The following ZBTB16 variants were observed in gnomAD, a reference collection of about 807,000 sequenced individuals.
ZBTB16 encodes the protein zinc finger and BTB domain-containing protein 16.
ZBTB16 carries 8 observed loss-of-function variants against 56.8 expected under a neutral mutation model. The observed-to-expected ratio is 0.14, with a 90% CI of 0.08 to 0.25. The LOEUF is 0.25. Among genes scored for constraint, ZBTB16 ranks in the 10% least tolerant of loss-of-function variants. The pLI is 1.00. For missense variants in ZBTB16, 625 were observed against 903.0 expected, an observed-to-expected ratio of 0.69 and a Z score of 3.95; for synonymous variants, 363 against 368.5, an observed-to-expected ratio of 0.98 and a Z score of 0.17.
At chr11:114,088,403 G>C (rs1233447435) in intron 2 of ZBTB16, among the ~76,000 whole-genome samples, 1 of 152,068 alleles carries the variant, frequency 6.6e-6, no homozygotes, top group African/African-American at 2.4e-5. Flanking sequence ...TAGCCTCCCA[G>C]AGTGCTAGGA....
chr11:114,123,043 C>T (rs865875200), intron 2 of ZBTB16, among the ~76,000 whole-genome samples: 18 of 152,258 alleles, frequency 1.2e-4, no homozygotes, highest in Middle Eastern at 6.8e-3. Context: ...GCCTCCTTCT[C>T]GCCGAGTCCT....
intron 2 of ZBTB16, among the ~76,000 whole-genome samples, chr11:114,103,407 T>C (rs1207187973): frequency 6.6e-6 from 1 of 152,226 alleles, no homozygotes; most frequent in Non-Finnish European, 1.5e-5. Flanking sequence ...ACTTTTTCTT[T>C]TCCTTTTTTT....
intron 3 of ZBTB16, among the ~76,000 whole-genome samples, chr11:114,175,510 G>A (rs1425490865): frequency 2.0e-5 from 3 of 151,688 alleles, no homozygotes; most frequent in East Asian, 3.9e-4. Flanking sequence ...AGGCTGGAGT[G>A]CAGTGGCGTG....
intron 4 of ZBTB16, among the ~76,000 whole-genome samples, chr11:114,215,618 G>A (rs1405671846): frequency 3.3e-5 from 5 of 152,186 alleles, no homozygotes; most frequent in Admixed American, 1.3e-4. Flanking sequence ...CGCAGCAGCC[G>A]CATTAGGTTA....
rs1270573325 is a variant in ZBTB16, at chr11:114,255,079, A to G, written c.*4524A>G. 1.3e-5 allele frequency among the ~76,000 whole-genome samples: 2 copies of G among 152,192 alleles called. No individual in the cohort carries two copies. Among genetic ancestry groups the G allele is most frequent in the Non-Finnish European group, 2.9e-5 (2 of 68,038 alleles). On this transcript the variant is annotated 3_prime_UTR_variant, in exon 7 of 7. Transcript: ENST00000335953. ...GGTTAAGAAGCCGTGGTGGTGCACC[A>G]TGACATCCAACCCGTATATATAAAG...
intron 3 of ZBTB16, among the ~76,000 whole-genome samples, chr11:114,181,778 C>T (rs1943255504): frequency 6.6e-6 from 1 of 152,136 alleles, no homozygotes; most frequent in Admixed American, 6.5e-5. Context: ...GGGTCTAGCG[C>T]ACTTTATCTT....
chr11:114,224,341 T>C (rs1193426743), intron 4 of ZBTB16, among the ~76,000 whole-genome samples: 1 of 152,198 alleles, frequency 6.6e-6, no homozygotes, highest in Non-Finnish European at 1.5e-5. Context: ...AATGCCCACT[T>C]TTCTTGCTTG....
intron 4 of ZBTB16, among the ~76,000 whole-genome samples, chr11:114,221,982 G>A (rs1944239639): frequency 6.6e-6 from 1 of 152,166 alleles, no homozygotes; most frequent in Admixed American, 6.5e-5. Context: ...GAGTGTCCAT[G>A]ATCATGCAGT....
chr11:114,065,192 G>A (rs956988239), intron 2 of ZBTB16, among the ~76,000 whole-genome samples: 8 of 152,204 alleles, frequency 5.3e-5, no homozygotes, highest in Non-Finnish European at 1.2e-4. Flanking sequence ...GGGAAAGGAT[G>A]GGTATAAGAG....
intron 4 of ZBTB16, among the ~76,000 whole-genome samples, chr11:114,229,625 T>G (rs1362959581): frequency 1.3e-5 from 2 of 152,236 alleles, no homozygotes. Context: ...CTACGTTCTC[T>G]GCTCCTTTAT....
Position 114,247,186 on chromosome 11 carries a change from T to G in ZBTB16, c.1625-12T>G. ...AGAGGCAAAGGCCTGATCCAGCCCC[T>G]TGTCTCCACAGGCGACCACCCCTAC... is the stretch of plus-strand genomic sequence containing the variant. On this transcript the variant is annotated splice_polypyrimidine_tract_variant and intron_variant, in intron 5 of 6. Transcript: ENST00000335953. The G allele has an allele frequency of 6.2e-7, 1 of 1,614,212 alleles. No homozygotes were observed. Among genetic ancestry groups the G allele is most frequent in the Non-Finnish European group, 8.5e-7 (1 of 1,180,042 alleles).
Position 114,171,254 on chromosome 11 carries a change from C to T in ZBTB16, c.1366+14820C>T, listed in dbSNP as rs541515844. Among the ~76,000 whole-genome samples the T allele has an allele frequency of 4.6e-5, 7 of 152,354 alleles. No individual in the cohort carries two copies. In the South Asian group the frequency reaches 6.2e-4, roughly 14 times the overall value. ...TCCTGTCTGTCCTGTCCGAGCAAAG[C>T]GTGGACCAGCGTATGTAGGACTGTG... is the stretch of plus-strand genomic sequence containing the variant. On this transcript the variant is annotated intron_variant, in intron 3 of 6. Transcript: ENST00000335953.
chr11:114,235,584 C>T (rs1944547844), intron 4 of ZBTB16, among the ~76,000 whole-genome samples: 1 of 152,188 alleles, frequency 6.6e-6, no homozygotes, highest in African/African-American at 2.4e-5. Flanking sequence ...CCACCCTGGC[C>T]TGGCTTTCTC....
intron 4 of ZBTB16, among the ~76,000 whole-genome samples, chr11:114,229,507 A>G (rs1217599125): frequency 6.6e-6 from 1 of 152,230 alleles, no homozygotes; most frequent in Non-Finnish European, 1.5e-5. Context: ...GTACAGAAGT[A>G]TACCCGGCTG....
chr11:114,195,877 C>T (rs1394965594), intron 4 of ZBTB16, among the ~76,000 whole-genome samples: 1 of 152,158 alleles, frequency 6.6e-6, no homozygotes, highest in Non-Finnish European at 1.5e-5. Context: ...GAACAGTATA[C>T]ACCTGCTTTG....
intron 2 of ZBTB16, among the ~76,000 whole-genome samples, chr11:114,128,707 C>CA (rs1409098852): frequency 2.6e-5 from 4 of 152,146 alleles, no homozygotes; most frequent in Non-Finnish European, 5.9e-5. Context: ...TCCTCAGAGA[C>CA]AAGTGGTGTC....
chr11:114,061,976 T>C (rs1938888813), intron 1 of ZBTB16, among the ~76,000 whole-genome samples: 2 of 152,176 alleles, frequency 1.3e-5, no homozygotes, highest in Admixed American at 1.3e-4. Context: ...TATTTAACTA[T>C]GGTCTCTCTC....
chr11:114,064,521 C>G lies in ZBTB16; in HGVS notation c.1221C>G (p.Ser407Arg). ...SESRTIGEQC[S>R]VCGVELPDNE... The stretch of plus-strand genomic sequence containing the variant: ...GCCGGACCATCGGAGAGCAGTGCAG[C>G]GTGTGTGGGGTCGAGCTTCCTGATA... Residue 407 changes from serine (S) to arginine (R), a missense_variant, in exon 2 of 7, where the codon AGC (serine) becomes AGG (arginine). Coordinates refer to ENST00000335953, the MANE Select transcript of ZBTB16 (RefSeq NM_006006.6). This position sits in a 1 kb window ranked among gnomAD's most constrained non-coding sequence, Gnocchi z 4.2. The G allele has an allele frequency of 6.2e-7, 1 of 1,614,040 alleles. No individual in the cohort carries two copies. The highest frequency in any genetic ancestry group is 8.5e-7 in the Non-Finnish European group (1 of 1,180,018).
At chr11:114,228,987 A>T (rs577887461) in intron 4 of ZBTB16, among the ~76,000 whole-genome samples, 1 of 152,232 alleles carries the variant, frequency 6.6e-6, no homozygotes, top group East Asian at 1.9e-4. Flanking sequence ...GGTTGTGGGG[A>T]GTCGGGGAGC....
Sources: allele counts gnomAD v4.1 joint callset (sites outside exome capture counted in the v4.1 genomes callset), GRCh38; gene constraint gnomAD v4.1.1; non-coding constraint Gnocchi (gnomAD v3.1); transcripts MANE v1.5; gene names NCBI Gene and HGNC (gene_info 2026-07-23, HGNC 2026-07-21).